Variants in CAMK2D observed in about 807,000 individuals in gnomAD.
The protein encoded by CAMK2D is calcium/calmodulin dependent protein kinase II delta, also known as calcium/calmodulin-dependent protein kinase type II subunit delta.
In CAMK2D, 37 loss-of-function variants were observed where a neutral mutation model predicts 84.0. The ratio of observed to expected loss-of-function variants is 0.44; its 90% CI spans 0.34 to 0.58. The LOEUF (loss-of-function observed/expected upper bound fraction) is 0.58. Among genes scored for constraint, CAMK2D ranks in the 20% least tolerant of loss-of-function variants. The probability of loss-of-function intolerance (pLI) is 0.02; values close to 1 mark genes in which losing one functional copy is unlikely to be tolerated. For synonymous variants in CAMK2D, 202 were observed against 212.5 expected (o/e 0.95, Z 0.43); for missense variants, 448 against 652.5 (o/e 0.69, Z 3.41).
intron 3 of CAMK2D, among the ~76,000 whole-genome samples, chr4:113,620,610 C>A (rs1053757225): frequency 6.6e-6 from 1 of 151,460 alleles, no homozygotes; most frequent in South Asian, 2.1e-4. Context: ...CAGGTTCAAG[C>A]AATTCTCCTG....
rs2154298199 is a variant in CAMK2D at position 113,646,337 on chromosome 4, C to T, written c.220+15376G>A. 2.6e-5 allele frequency among the ~76,000 whole-genome samples: 4 copies of T among 152,226 alleles called. No individual in the cohort carries two copies. The Middle Eastern group carries it at 0.014, about 518-fold the overall frequency. On this transcript the variant is annotated intron_variant, in intron 3 of 20. Transcript: ENST00000511664. ...GTGCTTTTTTAGGTACAATAATAAACAAGAAAAGTCCATGCCCTCATGAAG... is the reference window on the plus strand; with the variant it reads ...GTGCTTTTTTAGGTACAATAATAAATAAGAAAAGTCCATGCCCTCATGAAG...
intron 3 of CAMK2D, among the ~76,000 whole-genome samples, chr4:113,614,501 C>G (rs759644338): frequency 1.3e-4 from 20 of 152,272 alleles, no homozygotes; most frequent in Non-Finnish European, 2.1e-4. Context: ...TTGGAAACCA[C>G]TTGCTGTGCT....
At chr4:113,536,456 G>T (rs967985354) in intron 7 of CAMK2D, among the ~76,000 whole-genome samples, 2 of 152,138 alleles carry the variant, frequency 1.3e-5, no homozygotes, top group Non-Finnish European at 2.9e-5. Flanking sequence ...ATAAAACAAA[G>T]AAATAGCATG....
intron 3 of CAMK2D, among the ~76,000 whole-genome samples, chr4:113,610,175 A>G (rs984763949): frequency 6.6e-6 from 1 of 152,176 alleles, no homozygotes; most frequent in South Asian, 2.1e-4. Flanking sequence ...CTAGTACCCA[A>G]TAGTTATTCT....
intron 2 of CAMK2D, among the ~76,000 whole-genome samples, chr4:113,693,687 G>T (rs2099394827): frequency 6.6e-6 from 1 of 152,080 alleles, no homozygotes; most frequent in Non-Finnish European, 1.5e-5. Context: ...TAAAAGATCT[G>T]CTGTGAAATC....
chr4:113,693,225 C>T (rs2099393429), intron 2 of CAMK2D, among the ~76,000 whole-genome samples: 1 of 152,110 alleles, frequency 6.6e-6, no homozygotes, highest in African/African-American at 2.4e-5. Flanking sequence ...GGTTTCATTA[C>T]GTTGTCAGAA....
At chr4:113,642,313 C>T (rs995975288) in intron 3 of CAMK2D, among the ~76,000 whole-genome samples, 5 of 152,194 alleles carry the variant, frequency 3.3e-5, no homozygotes, top group African/African-American at 1.2e-4. Flanking sequence ...TCAGGATGGG[C>T]TCTGCAGAGT....
rs751041846 is a variant in CAMK2D at position 113,509,685 on chromosome 4, G to GAGAGT, written c.947-15_947-11dup. On this transcript the variant is annotated splice_polypyrimidine_tract_variant and intron_variant, in intron 12 of 20. Transcript: ENST00000511664. Reference sequence around the variant, plus strand: ...AACAAACTCTTGGCTGCTGTAAAATGAGAGTAAAATCAGTTTAGTGAGTTA... The same window carrying GAGAGT: ...AACAAACTCTTGGCTGCTGTAAAATGAGAGTAGAGTAAAATCAGTTTAGTGAGTTA... The GAGAGT allele has an allele frequency of 1.9e-5, 31 of 1,603,676 alleles. No homozygotes were observed. The African/African-American group carries it at 3.9e-4, about 20-fold the overall frequency.
rs2099134091 is a variant in CAMK2D at position 113,641,985 on chromosome 4, G to C, written c.220+19728C>G. On this transcript the variant is annotated intron_variant, in intron 3 of 20. Coordinates refer to ENST00000511664, the MANE Select transcript of CAMK2D (RefSeq NM_001321571.2). ...AGATCATGCCACTGCACTCCAGCCT[G>C]GGCAACAAGAGCGAAACTCAGTCTA... Among the ~76,000 whole-genome samples the C allele has an allele frequency of 2.0e-5, 3 of 151,940 alleles. No homozygotes were observed. The South Asian group carries it at 6.2e-4, about 32-fold the overall frequency.
chr4:113,508,229 T>A (rs1338522490), intron 13 of CAMK2D: 3 of 1,543,582 alleles, frequency 1.9e-6, no homozygotes, highest in African/African-American at 1.4e-5. Context: ...GGCAGATAGA[T>A]CCTCACCATC....
chr4:113,557,880 A>G (rs1200683396), intron 4 of CAMK2D, among the ~76,000 whole-genome samples: 1 of 152,224 alleles, frequency 6.6e-6, no homozygotes, highest in African/African-American at 2.4e-5. Context: ...GTACCTGTGC[A>G]TATATAAAAC....
intron 2 of CAMK2D, among the ~76,000 whole-genome samples, chr4:113,688,913 A>AAAAAAAAAAAAAAAAAAAAAGAAAAAAG: frequency 8.8e-6 from 1 of 114,274 alleles, no homozygotes; most frequent in Non-Finnish European, 1.7e-5. Flanking sequence ...GAAGATGCAA[A>AAAAAAAAAAAAAAAAAAAAAGAAAAAAG]AAAAAAAAAA....
chr4:113,670,536 T>C (rs2099276609), intron 2 of CAMK2D, among the ~76,000 whole-genome samples: 1 of 152,004 alleles, frequency 6.6e-6, no homozygotes, highest in African/African-American at 2.4e-5. Flanking sequence ...TTTTGTATAA[T>C]ATATTAACTC....
Position 113,457,329 on chromosome 4 carries a change from A to G in CAMK2D, c.1535+6T>C, listed in dbSNP as rs1339995209. On this transcript the variant is annotated splice_donor_region_variant and intron_variant, in intron 19 of 20. Coordinates refer to ENST00000511664, the MANE Select transcript of CAMK2D (RefSeq NM_001321571.2). ...ACAAAGAAGCTGACAGCCTGGAAAT[A>G]TTTACTTGATGGGTACTGTTGGTGA... 1 of 1,613,354 alleles carries G rather than the reference A, an allele frequency of 6.2e-7. No individual in the cohort carries two copies. The highest frequency in any genetic ancestry group is 8.5e-7 in the Non-Finnish European group (1 of 1,179,654).
intron 2 of CAMK2D, among the ~76,000 whole-genome samples, chr4:113,707,844 C>T (rs182853069): frequency 2.0e-5 from 3 of 152,264 alleles, no homozygotes; most frequent in East Asian, 3.9e-4. Flanking sequence ...GTAACAGTAT[C>T]TACCTGTCTA....
At chr4:113,695,225 T>C (rs1019096516) in intron 2 of CAMK2D, among the ~76,000 whole-genome samples, 1 of 149,674 alleles carries the variant, frequency 6.7e-6, no homozygotes, top group African/African-American at 2.5e-5. Flanking sequence ...GAAGAGTAAG[T>C]AAAATAAAGA....
chr4:113,587,820 C>T (rs2098840882), intron 4 of CAMK2D, among the ~76,000 whole-genome samples: 1 of 152,064 alleles, frequency 6.6e-6, no homozygotes, highest in Non-Finnish European at 1.5e-5. Context: ...TCATAGTCCC[C>T]AAGTGTTTTG....
intron 4 of CAMK2D, among the ~76,000 whole-genome samples, chr4:113,581,529 A>AAAAAAAAAAAAAAAAAAAAAAG (rs373642282): frequency 8.2e-6 from 1 of 121,878 alleles, no homozygotes; most frequent in African/African-American, 3.2e-5. Flanking sequence ...AAAAAAAAAA[A>AAAAAAAAAAAAAAAAAAAAAAG]AAAAGAAAAG....
At chr4:113,673,523 C>T (rs1336794560) in intron 2 of CAMK2D, among the ~76,000 whole-genome samples, 5 of 152,204 alleles carry the variant, frequency 3.3e-5, no homozygotes, top group Non-Finnish European at 7.3e-5. Context: ...CAGCCAGGGG[C>T]GGCATGACTA....
Sources: gnomAD v4.1 joint callset for allele counts (sites outside exome capture counted in the v4.1 genomes callset) on GRCh38, gnomAD v4.1.1 for gene constraint, MANE v1.5 for transcripts, NCBI Gene and HGNC (gene_info 2026-07-23, HGNC 2026-07-21) for gene names.